The following DCUN1D2 variants were observed in gnomAD, a reference collection of about 807,000 sequenced individuals.
The protein encoded by DCUN1D2 is DCN1-like protein 2.
DCUN1D2 carries 29 observed loss-of-function variants against 30.9 expected under a neutral mutation model. The ratio of observed to expected loss-of-function variants is 0.94; its 90% confidence interval spans 0.70 to 1.28. The LOEUF (loss-of-function observed/expected upper bound fraction) is 1.28, where lower values mean the gene tolerates loss of function less well. DCUN1D2 is among the 50% of genes most tolerant of loss of function. DCUN1D2 has a pLI of 0.00. For synonymous variants in DCUN1D2, 121 were observed against 115.3 expected (o/e 1.05, Z -0.32); for missense variants, 325 against 316.9 (o/e 1.03, Z -0.19).
intron 3 of DCUN1D2, among the ~76,000 whole-genome samples, chr13:113,474,620 T>C (rs2044581994): frequency 6.6e-6 from 1 of 152,160 alleles, no homozygotes; most frequent in Non-Finnish European, 1.5e-5. Context: ...TTTGCCCTCT[T>C]CTTGAGAAGT....
chr13:113,483,355 G>C (rs1289727190), intron 2 of DCUN1D2, among the ~76,000 whole-genome samples: 2 of 152,150 alleles, frequency 1.3e-5, no homozygotes, highest in African/African-American at 4.8e-5. Context: ...AGCTATTTCA[G>C]GGCTGACACG....
At chr13:113,475,823 G>A (rs1424882604) in intron 3 of DCUN1D2, 1 of 152,316 alleles carries the variant, frequency 6.6e-6, no homozygotes, top group African/African-American at 2.4e-5. Flanking sequence ...CTTAAAAAAG[G>A]GAGTGGGTGG....
rs367575879 is a variant in DCUN1D2 at position 113,484,444 on chromosome 13, T to A, written c.4-388A>T. Among the ~76,000 whole-genome samples the A allele has an allele frequency of 5.3e-4, 80 of 152,314 alleles. 1 individual carries two copies. The East Asian group carries it at 0.014, about 27-fold the overall frequency. On this transcript the variant is annotated intron_variant, in intron 1 of 6. Coordinates refer to ENST00000478244, the MANE Select transcript of DCUN1D2 (RefSeq NM_001014283.2). ...CAGCTGCAGTCTTCTTTGGTTTCAA[T>A]AAAGTTCAGGCTTTAATGAATGGGA...
At chr13:113,466,504 A>C (rs747355612) in intron 4 of DCUN1D2, among the ~76,000 whole-genome samples, 1 of 152,178 alleles carries the variant, frequency 6.6e-6, no homozygotes, top group Non-Finnish European at 1.5e-5. Flanking sequence ...ATGCTAAGTC[A>C]TTTCTCCACT....
In DCUN1D2 at chr13:113,456,414, G is replaced by T. The variant is rs1032617374; in HGVS notation, c.*1615C>A. 2.5e-6 allele frequency: 1 copy of T among 398,890 alleles called. No individual in the cohort carries two copies. Among genetic ancestry groups the T allele is most frequent in the Admixed American group, 4.4e-5 (1 of 22,738 alleles). 24.7% of individuals were successfully genotyped at this position (398,890 alleles called of 1,614,324 possible). A position where few individuals can be genotyped will look rare whatever the true frequency, so the allele number is the denominator to read the frequency against. ...CCATCAGATGTTCCTGAAGCCCAGG[G>T]TAAGTCCTGTTCTCAGAAGCCAACC... is the stretch of plus-strand genomic sequence containing the variant. On this transcript the variant is annotated 3_prime_UTR_variant, in exon 7 of 7. Transcript: ENST00000478244.
chr13:113,487,775 G>GT (rs1465120470), intron 1 of DCUN1D2, among the ~76,000 whole-genome samples: 2 of 152,158 alleles, frequency 1.3e-5, no homozygotes, highest in African/African-American at 4.8e-5. Context: ...CTAGATAGAG[G>GT]TAGTGGTTCC....
chr13:113,458,883 C>T (rs963761027), intron 6 of DCUN1D2, among the ~76,000 whole-genome samples: 1 of 152,172 alleles, frequency 6.6e-6, no homozygotes, highest in Non-Finnish European at 1.5e-5. Flanking sequence ...CTCCAAAGGC[C>T]CTCCAACGCA....
At chr13:113,460,490 G>A (rs931214162) in intron 5 of DCUN1D2, among the ~76,000 whole-genome samples, 3 of 152,200 alleles carry the variant, frequency 2.0e-5, no homozygotes, top group African/African-American at 4.8e-5. Flanking sequence ...CCAGCAAGAC[G>A]GGCTGGCATG....
intron 3 of DCUN1D2, 88 bp from the exon 4 acceptor site, chr13:113,474,342 C>T (rs2044575528): frequency 2.6e-6 from 4 of 1,516,008 alleles, no homozygotes; most frequent in Admixed American, 3.8e-5. Flanking sequence ...TGTGACCAGG[C>T]ACGCAGCTCC....
chr13:113,487,686 G>C (rs1196093523), intron 1 of DCUN1D2, among the ~76,000 whole-genome samples: 1 of 152,224 alleles, frequency 6.6e-6, no homozygotes, highest in Non-Finnish European at 1.5e-5. Context: ...GTGGTAGCCA[G>C]GGGCTGGGGC....
upstream of DCUN1D2, among the ~76,000 whole-genome samples, chr13:113,491,553 T>C (rs138947903): frequency 6.6e-6 from 1 of 152,026 alleles, no homozygotes; most frequent in East Asian, 1.9e-4. Flanking sequence ...ACCTCCCCTC[T>C]CTCTCTCCTC....
intron 5 of DCUN1D2, 48 bp downstream of exon 5, chr13:113,461,006 G>T: frequency 1.6e-6 from 2 of 1,276,360 alleles, no homozygotes; most frequent in South Asian, 1.3e-5. Flanking sequence ...CATACCTACC[G>T]ACTTCCCTCC....
chr13:113,481,863 G>GATA (rs1308763422), intron 2 of DCUN1D2, among the ~76,000 whole-genome samples: 1 of 63,956 alleles, frequency 1.6e-5, no homozygotes. Flanking sequence ...CAGCCTGGGT[G>GATA]ACAAAAAAAA....
Position 113,490,528 on chromosome 13 carries a change from T to G in DCUN1D2, c.3+139A>C. 1.1e-6 allele frequency: 1 copy of G among 918,590 alleles called. No homozygotes were observed. The highest frequency in any genetic ancestry group is 1.4e-6 in the Non-Finnish European group (1 of 702,166). The allele number at this position is 918,590 out of a possible 1,614,324, so 56.9% of individuals were successfully genotyped here. On this transcript the variant is annotated intron_variant, in intron 1 of 6. Transcript: ENST00000478244. The surrounding 1 kb of genome is among the most constrained non-coding windows in gnomAD (Gnocchi z 5.2). ...TCCGGCTCGCGGGCCCGCGGCGCGT[T>G]CCTCCCTCGGATCCACGCGGAACGC...
At position 113,490,482 on chromosome 13, in the gene DCUN1D2, C is replaced by A; in HGVS notation, c.3+185G>T. On this transcript the variant is annotated intron_variant, in intron 1 of 6. Coordinates refer to ENST00000478244, the MANE Select transcript of DCUN1D2 (RefSeq NM_001014283.2). This position sits in a 1 kb window ranked among gnomAD's most constrained non-coding sequence, Gnocchi z 5.2. ...GGTCAAACCCGCGCTCCCCGCGGTC[C>A]CGCGCCTCCGACGCCACCGCTCCGG... The A allele has an allele frequency of 1.7e-6, 1 of 600,440 alleles. No homozygotes were observed. The highest frequency in any genetic ancestry group is 3.3e-5 in the South Asian group (1 of 29,946). 37.2% of individuals were successfully genotyped at this position (600,440 alleles called of 1,614,324 possible). A position where few individuals can be genotyped will look rare whatever the true frequency, so the allele number is the denominator to read the frequency against.
intron 1 of DCUN1D2, among the ~76,000 whole-genome samples, chr13:113,485,032 C>T (rs1032946983): frequency 1.3e-5 from 2 of 152,094 alleles, no homozygotes; most frequent in African/African-American, 2.4e-5. Context: ...GAGCTGAGAT[C>T]GTGCCACTGC....
At chr13:113,462,463 GT>G (rs1233338319) in intron 4 of DCUN1D2, among the ~76,000 whole-genome samples, 1 of 151,926 alleles carries the variant, frequency 6.6e-6, no homozygotes, top group Non-Finnish European at 1.5e-5. Flanking sequence ...TTCTCAAAAG[GT>G]TTTTTTCTAA....
In DCUN1D2 at chr13:113,480,562, A is replaced by ATAGT; in HGVS notation, c.389+9_389+12dup. 6.2e-7 allele frequency: 1 copy of ATAGT among 1,613,970 alleles called. No homozygotes were observed. Among genetic ancestry groups the ATAGT allele is most frequent in the Non-Finnish European group, 8.5e-7 (1 of 1,179,932 alleles). On this transcript the variant is annotated intron_variant, in intron 3 of 6. Coordinates refer to ENST00000478244, the MANE Select transcript of DCUN1D2 (RefSeq NM_001014283.2). ...ATTTCTGAAAACATTTAAGCTAAGA[A>ATAGT]TAGTTGACTTACCCAAGTTCTGTCA...
At chr13:113,466,519 G>A (rs1158416987) in intron 4 of DCUN1D2, among the ~76,000 whole-genome samples, 1 of 152,138 alleles carries the variant, frequency 6.6e-6, no homozygotes, top group Non-Finnish European at 1.5e-5. Context: ...TCCACTCAGA[G>A]GCAAAATAAT....
Sources: gnomAD v4.1 joint callset for allele counts (sites outside exome capture counted in the v4.1 genomes callset) on GRCh38, gnomAD v4.1.1 for gene constraint, Gnocchi (gnomAD v3.1) non-coding constraint, MANE v1.5 for transcripts, NCBI Gene and HGNC (gene_info 2026-07-23, HGNC 2026-07-21) for gene names.